Variants in NUDT13 observed in about 807,000 individuals in gnomAD.
The protein encoded by NUDT13 is NAD(P)H pyrophosphatase NUDT13, mitochondrial.
A neutral mutation model predicts 41.7 loss-of-function variants in NUDT13; 40 were observed. The ratio of observed to expected loss-of-function variants is 0.96; its 90% CI spans 0.75 to 1.25. NUDT13 has a LOEUF of 1.25. NUDT13 is among the 50% of genes most tolerant of loss of function. The pLI is 0.00. For synonymous variants in NUDT13, 145 were observed against 155.5 expected (o/e 0.93, Z 0.50); for missense variants, 390 against 416.1 (o/e 0.94, Z 0.55).
At chr10:73,126,496 T>G in intron 7 of NUDT13, 177 bp from the exon 8 acceptor site, 1 of 581,202 alleles carries the variant, frequency 1.7e-6, no homozygotes, top group Middle Eastern at 4.7e-4. Context: ...AGCACTGTGG[T>G]TCAACACACA....
At position 73,124,135 on chromosome 10, in the gene NUDT13, T is replaced by C. The variant is rs573990793; in HGVS notation, c.359-79T>C. Reference sequence around the variant, plus strand: ...ACGAGGCAAGTTTGGGAAACACTATTTTAACAGGATAGACTGGAGAGAGGC... The same window carrying C: ...ACGAGGCAAGTTTGGGAAACACTATCTTAACAGGATAGACTGGAGAGAGGC... On this transcript the variant is annotated intron_variant, in intron 4 of 8. Coordinates refer to ENST00000357321, the MANE Select transcript of NUDT13 (RefSeq NM_015901.6). 3.0e-5 allele frequency: 29 copies of C among 979,344 alleles called. No individual in the cohort carries two copies. In the Admixed American group the frequency reaches 4.4e-4, roughly 15 times the overall value. The allele number at this position is 979,344 out of a possible 1,614,324, so 60.7% of individuals were successfully genotyped here. A position where few individuals can be genotyped will look rare whatever the true frequency, so the allele number is the denominator to read the frequency against.
At chr10:73,126,979 C>A (rs1842803848) in intron 8 of NUDT13, 152 bp downstream of exon 8, 2 of 701,994 alleles carry the variant, frequency 2.8e-6, no homozygotes, top group East Asian at 2.8e-5. Context: ...CACGGTGGCT[C>A]ATGCCTGTAA....
chr10:73,114,057 T>C (rs1279147720), intron 1 of NUDT13, among the ~76,000 whole-genome samples: 1 of 152,244 alleles, frequency 6.6e-6, no homozygotes, highest in East Asian at 1.9e-4. Flanking sequence ...AATTTCCTAA[T>C]GTTGTGACTT....
chr10:73,129,613 G>A (rs1352000518), intron 8 of NUDT13, among the ~76,000 whole-genome samples: 1 of 150,984 alleles, frequency 6.6e-6, no homozygotes, highest in Admixed American at 6.6e-5. Context: ...GATGAAGTTT[G>A]CATTACTTTG....
At chr10:73,119,394 C>A in intron 2 of NUDT13, 1 of 538,090 alleles carries the variant, frequency 1.9e-6, no homozygotes, top group East Asian at 1.5e-4. Flanking sequence ...ACTTTGGGAT[C>A]TAGATGTCTG....
At chr10:73,114,875 A>G (rs1440007626) in intron 2 of NUDT13, 1 of 152,384 alleles carries the variant, frequency 6.6e-6, no homozygotes, top group African/African-American at 2.4e-5. Context: ...GGAGAACCTG[A>G]ACAGACAGGC....
chr10:73,116,781 C>T (rs187033405), intron 2 of NUDT13, among the ~76,000 whole-genome samples: 1 of 151,366 alleles, frequency 6.6e-6, no homozygotes, highest in Admixed American at 6.6e-5. Context: ...TATAATCCTA[C>T]ATGAACAAGA....
intron 2 of NUDT13, chr10:73,119,477 G>A: frequency 2.0e-6 from 2 of 985,492 alleles, no homozygotes; most frequent in South Asian, 4.7e-5. Context: ...TGAAGATACA[G>A]TGTTTACTCT....
At chr10:73,127,842 T>C (rs911590530) in intron 8 of NUDT13, among the ~76,000 whole-genome samples, 2 of 151,990 alleles carry the variant, frequency 1.3e-5, no homozygotes, top group African/African-American at 4.8e-5. Flanking sequence ...CCTTATGGTG[T>C]ACAGATCTTC....
intron 4 of NUDT13, among the ~76,000 whole-genome samples, chr10:73,123,491 A>G (rs1397314757): frequency 6.6e-6 from 1 of 152,156 alleles, no homozygotes; most frequent in Non-Finnish European, 1.5e-5. Flanking sequence ...CTTGCCCCGA[A>G]GAAGATCTTG....
At chr10:73,125,570 C>G in intron 7 of NUDT13, 61 bp downstream of exon 7, 1 of 1,105,546 alleles carries the variant, frequency 9.0e-7, no homozygotes, top group South Asian at 1.4e-5. Context: ...CTAATACAAT[C>G]TTCTCTGTCT....
rs768784086 is a variant in NUDT13, at chr10:73,125,351, G to T, written c.592-47G>T. ...AATTATACACTGCTTTAGCTCATTG[G>T]CAGGGCCCAAAGTGCCAGCATCTCA... On this transcript the variant is annotated intron_variant, in intron 6 of 8. Transcript: ENST00000357321. 4 of 1,609,598 alleles carry T rather than the reference G, an allele frequency of 2.5e-6. No homozygotes were observed. The South Asian group carries it at 3.3e-5, about 13-fold the overall frequency.
rs781019048 is a variant in NUDT13 at position 73,130,938 on chromosome 10, T to G, written c.*35T>G. The G allele has an allele frequency of 1.4e-4, 219 of 1,552,074 alleles. No individual in the cohort carries two copies. Among genetic ancestry groups the G allele is most frequent in the Non-Finnish European group, 1.8e-4 (206 of 1,125,952 alleles). ...AGTCACTTAGATCGCTCCTTGGTAT[T>G]CCTGAGGGACAAACTAGAGATCAGT... On this transcript the variant is annotated 3_prime_UTR_variant, in exon 9 of 9. Transcript: ENST00000357321.
chr10:73,119,991 A>T (rs749450745), intron 2 of NUDT13, 27 bp from the exon 3 acceptor site: 1 of 1,613,072 alleles, frequency 6.2e-7, no homozygotes, highest in South Asian at 1.1e-5. Context: ...GTGGTTTTGT[A>T]ATGGTTTGAT....
chr10:73,115,440 T>G (rs920935113), intron 2 of NUDT13, among the ~76,000 whole-genome samples: 1 of 146,416 alleles, frequency 6.8e-6, no homozygotes, highest in African/African-American at 2.7e-5. Context: ...TCCCAAAGTG[T>G]TGGGATTACA....
chr10:73,127,576 C>T (rs1018635625), intron 8 of NUDT13, among the ~76,000 whole-genome samples: 82 of 151,186 alleles, frequency 5.4e-4, no homozygotes, highest in African/African-American at 1.9e-3. Flanking sequence ...GATCTCGGCT[C>T]ACTGCAACCT....
rs2133218183 is a variant in NUDT13, at chr10:73,122,417, ACTTT to A, written c.358+111_358+114del. ...ATTTGGGGAATACAAAAGGTTATCA[ACTTT>A]CTATTTTTTAAAAAAGGACATTAAA... On this transcript the variant is annotated intron_variant, in intron 4 of 8. Transcript: ENST00000357321. 5.6e-6 allele frequency: 6 copies of A among 1,074,666 alleles called. No homozygotes were observed. In the East Asian group the frequency reaches 1.2e-4, roughly 22 times the overall value. The allele number at this position is 1,074,666 out of a possible 1,614,324, so 66.6% of individuals were successfully genotyped here.
At chr10:73,122,571 TTTATTTTATC>T (rs1455247956) in intron 4 of NUDT13, among the ~76,000 whole-genome samples, 1 of 152,004 alleles carries the variant, frequency 6.6e-6, no homozygotes, top group Non-Finnish European at 1.5e-5. Flanking sequence ...ATTTTATTTA[TTTATTTTATC>T]TTATTTTATT....
chr10:73,119,488 TTGTC>T (rs1554846625), intron 2 of NUDT13: 3 of 985,772 alleles, frequency 3.0e-6, no homozygotes, highest in South Asian at 4.7e-5. Context: ...TGTTTACTCT[TTGTC>T]TGCTGTGAAA....
Sources: allele counts gnomAD v4.1 joint callset (sites outside exome capture counted in the v4.1 genomes callset), GRCh38; gene constraint gnomAD v4.1.1; transcripts MANE v1.5; gene names NCBI Gene and HGNC (gene_info 2026-07-23, HGNC 2026-07-21).